The following COL4A2 variants were observed in gnomAD, a reference collection of about 807,000 sequenced individuals.
The protein encoded by COL4A2 is collagen type IV alpha 2 chain, also known as collagen alpha-2(IV) chain.
A neutral mutation model predicts 200.2 loss-of-function variants in COL4A2; 99 were observed. The observed-to-expected ratio is 0.49, with a 90% CI of 0.42 to 0.58. COL4A2 has a LOEUF of 0.58. Among genes scored for constraint, COL4A2 ranks in the 20% least tolerant of loss-of-function variants. COL4A2 has a pLI of 0.00. For missense variants in COL4A2, 1,950 were observed against 2,314.1 expected, an observed-to-expected ratio of 0.84 and a Z score of 3.23; for synonymous variants, 897 against 900.6, an observed-to-expected ratio of 1.00 and a Z score of 0.07.
chr13:110,412,324 T>G (rs1879874305), intron 4 of COL4A2, among the ~76,000 whole-genome samples: 1 of 152,218 alleles, frequency 6.6e-6, no homozygotes, highest in South Asian at 2.1e-4. Flanking sequence ...CCCACTGAGA[T>G]GAGTCATTGT....
chr13:110,451,088 C>G (rs1881524808), intron 20 of COL4A2, among the ~76,000 whole-genome samples: 1 of 152,206 alleles, frequency 6.6e-6, no homozygotes, highest in Non-Finnish European at 1.5e-5. Context: ...ACCTGCCACC[C>G]AGTAGTGCAT....
intron 10 of COL4A2, among the ~76,000 whole-genome samples, chr13:110,431,398 T>TG (rs1285330613): frequency 6.6e-6 from 1 of 152,140 alleles, no homozygotes; most frequent in African/African-American, 2.4e-5. Flanking sequence ...AACTAACAGT[T>TG]GGGGGGTACT....
chr13:110,432,544 G>A (rs751887654), intron 11 of COL4A2, among the ~76,000 whole-genome samples, 184 bp downstream of exon 11: 1 of 151,508 alleles, frequency 6.6e-6, no homozygotes. Flanking sequence ...GGTGCCTCTG[G>A]ACATTAAAAA....
chr13:110,368,636 G>A (rs1877857863), intron 4 of COL4A2, among the ~76,000 whole-genome samples: 3 of 152,148 alleles, frequency 2.0e-5, no homozygotes, highest in Non-Finnish European at 4.4e-5. Flanking sequence ...ATGAAGGGGA[G>A]AGATGACCAG....
chr13:110,406,707 T>C (rs1433403657), intron 4 of COL4A2, among the ~76,000 whole-genome samples: 1 of 152,164 alleles, frequency 6.6e-6, no homozygotes, highest in Non-Finnish European at 1.5e-5. Context: ...TAACTTCTAA[T>C]AGAGTTCATA....
At chr13:110,506,354 C>T in intron 45 of COL4A2, 61 bp from the exon 46 acceptor site, 1 of 1,531,286 alleles carries the variant, frequency 6.5e-7, no homozygotes, top group Non-Finnish European at 8.8e-7. Context: ...CGTCCACTCT[C>T]TCTCTTTCTC....
chr13:110,479,728 C>T (rs1013527578), intron 30 of COL4A2, among the ~76,000 whole-genome samples: 3 of 152,094 alleles, frequency 2.0e-5, no homozygotes, highest in East Asian at 1.9e-4. Flanking sequence ...CAGCTGTGGG[C>T]GGGAGCTGCC....
intron 4 of COL4A2, among the ~76,000 whole-genome samples, chr13:110,417,359 G>C (rs1202422879): frequency 6.6e-6 from 1 of 152,056 alleles, no homozygotes; most frequent in Admixed American, 6.5e-5. Flanking sequence ...TATCACATAA[G>C]CTCATTTGCA....
chr13:110,446,988 T>TA, intron 18 of COL4A2, 124 bp downstream of exon 18: 1 of 570,990 alleles, frequency 1.8e-6, no homozygotes, highest in Non-Finnish European at 2.6e-6. Flanking sequence ...AGTATAATAA[T>TA]AATAAAAAAA....
At chr13:110,431,667 A>G (rs1205729372) in intron 10 of COL4A2, among the ~76,000 whole-genome samples, 1 of 152,186 alleles carries the variant, frequency 6.6e-6, no homozygotes, top group African/African-American at 2.4e-5. Context: ...GTCCGGCACA[A>G]CAGATTGTAC....
intron 3 of COL4A2, among the ~76,000 whole-genome samples, chr13:110,349,655 T>C (rs1240250049): frequency 6.6e-6 from 1 of 152,242 alleles, no homozygotes; most frequent in Non-Finnish European, 1.5e-5. Context: ...GTTCCATGAC[T>C]TTTATTCTTC....
chr13:110,342,450 G>A (rs529789666), intron 3 of COL4A2, among the ~76,000 whole-genome samples: 98 of 152,260 alleles, frequency 6.4e-4, no homozygotes, highest in African/African-American at 2.1e-3. Flanking sequence ...GGTCTGTATC[G>A]TGAGATGGAA....
At chr13:110,486,300 G>A (rs556959652) in intron 34 of COL4A2, among the ~76,000 whole-genome samples, 3 of 152,332 alleles carry the variant, frequency 2.0e-5, no homozygotes, top group Non-Finnish European at 4.4e-5. Context: ...CAGACACGCT[G>A]TTGTGATGGT....
At chr13:110,407,647 G>C (rs1012504342) in intron 4 of COL4A2, among the ~76,000 whole-genome samples, 1 of 152,236 alleles carries the variant, frequency 6.6e-6, no homozygotes, top group African/African-American at 2.4e-5. Context: ...GGGGTGCACA[G>C]AGGCAGTTCC....
chr13:110,445,145 C>A (rs1250381126), intron 16 of COL4A2, among the ~76,000 whole-genome samples: 1 of 152,182 alleles, frequency 6.6e-6, no homozygotes, highest in Non-Finnish European at 1.5e-5. Flanking sequence ...GCCACCATAC[C>A]CAGCAGAGAT....
At chr13:110,395,224 G>A (rs909378579) in intron 4 of COL4A2, among the ~76,000 whole-genome samples, 2 of 152,196 alleles carry the variant, frequency 1.3e-5, no homozygotes, top group East Asian at 3.9e-4. Flanking sequence ...GAGCACAGTG[G>A]TTGTGTCTTA....
intron 3 of COL4A2, among the ~76,000 whole-genome samples, chr13:110,337,767 G>A (rs1367826310): frequency 1.3e-5 from 2 of 152,260 alleles, no homozygotes; most frequent in Non-Finnish European, 2.9e-5. Context: ...AGGTTCTGCT[G>A]TGTGTGTCTG....
chr13:110,332,576 T>C (rs954629339), intron 3 of COL4A2, among the ~76,000 whole-genome samples: 1 of 152,208 alleles, frequency 6.6e-6, no homozygotes, highest in Non-Finnish European at 1.5e-5. Context: ...GTTTGAACAT[T>C]GATGGTGGTA....
At position 110,503,153 on chromosome 13, in the gene COL4A2, G is replaced by A; in HGVS notation, c.3910G>A (p.Ala1304Thr). The change falls in exon 42 of 48, where the codon GCT (alanine) becomes ACT (threonine). Residue 1304 changes from alanine (A) to threonine (T), a missense_variant. By Grantham distance (58) the Ala-to-Thr change is moderately conservative. Transcript: ENST00000360467. Reference sequence around the variant, plus strand: ...GGGCCCACCAGGGCCACCAGGTTCTGCTGCTCTTCCTGGAAGCAAAGGTGA... The same window carrying A: ...GGGCCCACCAGGGCCACCAGGTTCTACTGCTCTTCCTGGAAGCAAAGGTGA... ...YRGPPGPPGSAALPGSKGDTG... is the reference protein window; with the variant it reads ...YRGPPGPPGSTALPGSKGDTG... 6.8e-6 allele frequency: 11 copies of A among 1,613,962 alleles called. No homozygotes were observed. Among genetic ancestry groups the A allele is most frequent in the Non-Finnish European group, 9.3e-6 (11 of 1,179,970 alleles).
Sources: gnomAD v4.1 joint callset for allele counts (sites outside exome capture counted in the v4.1 genomes callset) on GRCh38, gnomAD v4.1.1 for gene constraint, MANE v1.5 for transcripts, NCBI Gene and HGNC (gene_info 2026-07-23, HGNC 2026-07-21) for gene names.